Variants in CADM1 observed in about 807,000 individuals in gnomAD.
CADM1 encodes cell adhesion molecule 1.
A neutral mutation model predicts 53.1 loss-of-function variants in CADM1; 15 were observed. The observed-to-expected ratio is 0.28, with a 90% CI of 0.19 to 0.44. The LOEUF is 0.44. CADM1 is among the 20% of genes least tolerant of loss of function. CADM1 has a pLI of 1.00. For missense variants in CADM1, 434 were observed against 611.3 expected, an observed-to-expected ratio of 0.71 and a Z score of 3.06; for synonymous variants, 281 against 243.0, an observed-to-expected ratio of 1.16 and a Z score of -1.45.
In CADM1 at chr11:115,477,153, TAGGAAAGGGAA is replaced by T. The variant is rs538731589; in HGVS notation, c.124+27107_124+27117del. 2.2e-3 allele frequency among the ~76,000 whole-genome samples: 331 copies of T among 151,252 alleles called. 1 individual carries two copies. Among genetic ancestry groups the T allele is most frequent in the African/African-American group, 7.8e-3 (319 of 41,124 alleles). Reference sequence around the variant, plus strand: ...GATATAGTGGATAGGTTTGGATTGATAGGAAAGGGAAAGGAAAGGAAATATGAGAGCACAAT... The same window carrying T: ...GATATAGTGGATAGGTTTGGATTGATAGGAAAGGAAATATGAGAGCACAAT... On this transcript the variant is annotated intron_variant, in intron 1 of 11. Transcript: ENST00000331581.
chr11:115,422,633 G>C (rs977963764), intron 1 of CADM1, among the ~76,000 whole-genome samples: 3 of 152,152 alleles, frequency 2.0e-5, no homozygotes, highest in South Asian at 2.1e-4. Flanking sequence ...TACATTTCTG[G>C]ATCCTGGTCT....
intron 1 of CADM1, among the ~76,000 whole-genome samples, chr11:115,376,950 G>A (rs978052030): frequency 2.0e-5 from 3 of 152,088 alleles, no homozygotes; most frequent in Non-Finnish European, 4.4e-5. Context: ...TTTGTCATCA[G>A]CAAACTTTAG....
chr11:115,366,687 C>T (rs2135111401), intron 1 of CADM1, among the ~76,000 whole-genome samples: 1 of 152,198 alleles, frequency 6.6e-6, no homozygotes, highest in East Asian at 1.9e-4. Context: ...CATGCATTTC[C>T]TCCAAATAAG....
intron 1 of CADM1, among the ~76,000 whole-genome samples, chr11:115,382,723 G>GT (rs1946609107): frequency 1.3e-5 from 2 of 152,116 alleles, no homozygotes; most frequent in South Asian, 4.2e-4. Context: ...GTTTCTGCTG[G>GT]TTTAACAGCC....
intron 1 of CADM1, among the ~76,000 whole-genome samples, chr11:115,492,930 T>TAC (rs1491459905): frequency 1.9e-4 from 24 of 124,868 alleles, no homozygotes; most frequent in African/African-American, 6.0e-4. Context: ...AAGGATATTT[T>TAC]ATACACACAC....
chr11:115,254,439 C>T (rs11215450), intron 1 of CADM1, among the ~76,000 whole-genome samples: 2,944 of 151,962 alleles, frequency 0.019, 112 homozygotes, highest in African/African-American at 0.066. Context: ...TTCGATATCT[C>T]GGGGATTTTC....
intron 1 of CADM1, among the ~76,000 whole-genome samples, chr11:115,410,386 C>T (rs1316377051): frequency 6.6e-6 from 1 of 152,196 alleles, no homozygotes; most frequent in Middle Eastern, 3.2e-3. Flanking sequence ...TTCTATTCCC[C>T]TTTAGTCCTC....
At chr11:115,263,206 C>T (rs944563788) in intron 1 of CADM1, among the ~76,000 whole-genome samples, 2 of 152,216 alleles carry the variant, frequency 1.3e-5, no homozygotes, top group Non-Finnish European at 2.9e-5. Flanking sequence ...CAGGTTTCTC[C>T]ACTGAAAAAT....
At chr11:115,405,371 A>G (rs1382633330) in intron 1 of CADM1, among the ~76,000 whole-genome samples, 3 of 152,238 alleles carry the variant, frequency 2.0e-5, no homozygotes, top group African/African-American at 7.2e-5. Flanking sequence ...GAGTTCTCCC[A>G]CAGCACCTAT....
chr11:115,349,718 C>G (rs1285104609), intron 1 of CADM1, among the ~76,000 whole-genome samples: 1 of 152,210 alleles, frequency 6.6e-6, no homozygotes, highest in Non-Finnish European at 1.5e-5. Context: ...AAAGGGAAAG[C>G]TGTTCAAGGG....
intron 1 of CADM1, among the ~76,000 whole-genome samples, chr11:115,388,463 G>A (rs944204559): frequency 3.9e-5 from 6 of 152,052 alleles, no homozygotes; most frequent in East Asian, 1.9e-4. Flanking sequence ...GCCTTCCCAC[G>A]GATTGCTTAT....
At chr11:115,464,604 T>C (rs1389330387) in intron 1 of CADM1, among the ~76,000 whole-genome samples, 2 of 152,234 alleles carry the variant, frequency 1.3e-5, no homozygotes, top group Non-Finnish European at 2.9e-5. Flanking sequence ...TGGCATGGTT[T>C]ACAGAAACCA....
intron 1 of CADM1, among the ~76,000 whole-genome samples, chr11:115,431,896 T>G (rs1255508694): frequency 6.6e-6 from 1 of 151,518 alleles, no homozygotes; most frequent in Admixed American, 6.6e-5. Flanking sequence ...TGTGACTGTT[T>G]GGTTAATAAA....
intron 7 of CADM1, among the ~76,000 whole-genome samples, chr11:115,211,628 C>T (rs1253492251): frequency 2.6e-5 from 4 of 150,994 alleles, no homozygotes; most frequent in South Asian, 2.1e-4. Context: ...TACAGGCATG[C>T]GCCACCACAC....
chr11:115,500,103 G>T (rs1427619205), intron 1 of CADM1, among the ~76,000 whole-genome samples: 3 of 152,086 alleles, frequency 2.0e-5, no homozygotes. Flanking sequence ...TCCTTTCTGT[G>T]CTGGATTTTC....
chr11:115,277,691 T>C (rs1591664319), intron 1 of CADM1, among the ~76,000 whole-genome samples: 1 of 152,166 alleles, frequency 6.6e-6, no homozygotes, highest in African/African-American at 2.4e-5. Flanking sequence ...ATATTTTTAT[T>C]TTTTCCTCTC....
At chr11:115,314,062 T>C (rs2135169491) in intron 1 of CADM1, among the ~76,000 whole-genome samples, 1 of 152,300 alleles carries the variant, frequency 6.6e-6, no homozygotes, top group East Asian at 1.9e-4. Flanking sequence ...GATAATGTTC[T>C]CAACTGACTA....
At chr11:115,424,660 G>A (rs1255252920) in intron 1 of CADM1, among the ~76,000 whole-genome samples, 1 of 152,024 alleles carries the variant, frequency 6.6e-6, no homozygotes, top group Non-Finnish European at 1.5e-5. Context: ...CCAAGTATCT[G>A]AGATTACAGA....
In CADM1 at chr11:115,175,220, C is replaced by T. The variant is rs1938968664; in HGVS notation, c.*1254G>A. ...ACAGCAGACCAGTGTGAGAACAATA[C>T]CAGCCCTTCTTTTGTACCTCCTGCC... is the stretch of plus-strand genomic sequence containing the variant. On this transcript the variant is annotated 3_prime_UTR_variant, in exon 12 of 12. Coordinates refer to ENST00000331581, the MANE Select transcript of CADM1 (RefSeq NM_001301043.2). 3.0e-6 allele frequency: 3 copies of T among 985,672 alleles called. No homozygotes were observed. Among genetic ancestry groups the T allele is most frequent in the Non-Finnish European group, 3.6e-6 (3 of 829,934 alleles). 61.1% of individuals were successfully genotyped at this position (985,672 alleles called of 1,614,324 possible). A position where few individuals can be genotyped will look rare whatever the true frequency, so the allele number is the denominator to read the frequency against.
Sources: allele counts gnomAD v4.1 joint callset (sites outside exome capture counted in the v4.1 genomes callset), GRCh38; gene constraint gnomAD v4.1.1; transcripts MANE v1.5; gene names NCBI Gene and HGNC (gene_info 2026-07-23, HGNC 2026-07-21).